TNS1: variants seen among roughly 807,000 people sequenced by gnomAD.
TNS1 encodes the protein tensin-1.
TNS1 carries 62 observed loss-of-function variants against 168.6 expected under a neutral mutation model. The observed-to-expected ratio is 0.37, with a 90% CI of 0.30 to 0.45. The LOEUF (loss-of-function observed/expected upper bound fraction) is 0.45, where lower values mean the gene tolerates loss of function less well. Among genes scored for constraint, TNS1 ranks in the 20% least tolerant of loss-of-function variants. The pLI is 1.00. For missense variants in TNS1, 2,240 were observed against 2,339.4 expected, an observed-to-expected ratio of 0.96 and a Z score of 0.88; for synonymous variants, 934 against 933.2, an observed-to-expected ratio of 1.00 and a Z score of -0.02.
rs117268534 is a variant in TNS1 at position 217,896,266 on chromosome 2, A to G, written c.544-1210T>C. 9.8e-4 allele frequency among the ~76,000 whole-genome samples: 150 copies of G among 152,352 alleles called. 1 individual carries two copies. The East Asian group carries it at 0.023, about 23-fold the overall frequency. On this transcript the variant is annotated intron_variant, in intron 8 of 32. Transcript: ENST00000682258. ...CAATGCAGCTAACAGGTGGGTCTCT[A>G]TAGTGGTTGAATAGTATCCTCAAAA...
intron 3 of TNS1, among the ~76,000 whole-genome samples, chr2:217,966,268 C>CGT (rs3838555): frequency 0.084 from 11,809 of 140,694 alleles, 583 homozygotes; most frequent in Middle Eastern, 0.12. Flanking sequence ...GAGCAGGCTG[C>CGT]GTGTGTGTGT....
intron 18 of TNS1, among the ~76,000 whole-genome samples, chr2:217,862,802 T>C (rs1371213739): frequency 6.6e-6 from 1 of 152,222 alleles, no homozygotes; most frequent in African/African-American, 2.4e-5. Context: ...GCTCAGAGAC[T>C]GTGAACTCTC....
intron 17 of TNS1, chr2:217,881,230 G>T (rs909914718): frequency 7.2e-6 from 4 of 558,370 alleles, no homozygotes; most frequent in Non-Finnish European, 1.3e-5. Context: ...GGCTCATGCC[G>T]GGTCATAGGG....
rs1942153962 is a variant in TNS1 at position 217,817,878 on chromosome 2, C to G, written c.4454G>C (p.Ser1485Thr). ...CTTCTCTGGCAAGGCTGGTGTTGGG[C>G]TCCCTTGCCGGAAGGCTGCGGAGTC... ...SPDSAAFRQG[S>T]PTPALPEKRR... The change falls in exon 24 of 33, where the codon AGC (serine) becomes ACC (threonine). Residue 1485 changes from serine to threonine, a missense_variant. Ser to Thr is a moderately conservative substitution (Grantham distance 58). Around this residue, in one of 2 missense-constraint regions of TNS1, gnomAD observed 2,131 missense variants for 2,171.2 expected, o/e 0.98. Transcript: ENST00000682258. The G allele has an allele frequency of 1.2e-6, 2 of 1,614,006 alleles. No individual in the cohort carries two copies. Among genetic ancestry groups the G allele is most frequent in the Non-Finnish European group, 1.7e-6 (2 of 1,179,978 alleles).
chr2:218,023,775 A>G (rs780484501), intron 1 of TNS1, among the ~76,000 whole-genome samples: 2 of 152,174 alleles, frequency 1.3e-5, no homozygotes, highest in Non-Finnish European at 2.9e-5. Flanking sequence ...GGTCAGGTCC[A>G]TGCTTTTCCC....
chr2:217,851,949 GC>G (rs1559239274), intron 18 of TNS1, among the ~76,000 whole-genome samples: 1 of 152,108 alleles, frequency 6.6e-6, no homozygotes, highest in Non-Finnish European at 1.5e-5. Context: ...TTGAAGACCA[GC>G]CTGGCCAAAA....
At chr2:217,946,965 T>TCACACACA (rs1434475994) in intron 3 of TNS1, among the ~76,000 whole-genome samples, 82 of 130,644 alleles carry the variant, frequency 6.3e-4, no homozygotes, top group African/African-American at 2.9e-3. Flanking sequence ...TCTCTCTCTC[T>TCACACACA]CTCTCACACA....
chr2:217,882,376 C>T lies in TNS1; in HGVS notation c.1282G>A (p.Val428Ile). Residue 428 changes from valine (V) to isoleucine (I), a missense_variant, in exon 17 of 33, where the codon GTA becomes ATA. Val to Ile is a conservative substitution (Grantham distance 29). This residue lies in a region of TNS1 where 2,131 missense variants were observed against 2,171.2 expected (regional missense o/e 0.98). Transcript: ENST00000682258. ...ATTTTCTCTGGCCCATAAGAAAATA[C>T]AAACTCCACTTTGCCATACTCTGGA... ...RFPEYGKVEF[V>I]FSYGPEKIQG... 1 of 1,605,992 alleles carries T rather than the reference C, an allele frequency of 6.2e-7. No homozygotes were observed. Among genetic ancestry groups the T allele is most frequent in the Non-Finnish European group, 8.5e-7 (1 of 1,177,832 alleles).
Position 217,804,322 on chromosome 2 carries a change from T to A in TNS1, c.*137A>T. On this transcript the variant is annotated 3_prime_UTR_variant, in exon 33 of 33. Transcript: ENST00000682258. ...CTCCCCTCTGCAATTCACTTCCCTC[T>A]CCCCACGTTGCACTTTCTTCTCTCC... The A allele has an allele frequency of 1.0e-6, 1 of 952,886 alleles. No individual in the cohort carries two copies. The highest frequency in any genetic ancestry group is 1.6e-6 in the Non-Finnish European group (1 of 629,548). 59.0% of individuals were successfully genotyped at this position (952,886 alleles called of 1,614,324 possible).
chr2:217,820,193 G>A (rs1942602842), intron 23 of TNS1, among the ~76,000 whole-genome samples: 1 of 152,162 alleles, frequency 6.6e-6, no homozygotes, highest in Non-Finnish European at 1.5e-5. Flanking sequence ...AATCCCAGGG[G>A]AGAAAGGCTA....
At chr2:217,907,295 T>A in intron 4 of TNS1, 44 bp from the exon 5 acceptor site, 2 of 702,426 alleles carry the variant, frequency 2.8e-6, no homozygotes, top group Non-Finnish European at 2.6e-6. Context: ...AGGGCAGACA[T>A]CCCAGGGATG....
At chr2:217,900,764 G>A in intron 6 of TNS1, 1 of 545,326 alleles carries the variant, frequency 1.8e-6, no homozygotes. Context: ...ATGCTGAGGA[G>A]TGCACCCCAC....
At chr2:217,945,367 G>A (rs373803670) in intron 3 of TNS1, among the ~76,000 whole-genome samples, 2 of 152,190 alleles carry the variant, frequency 1.3e-5, no homozygotes. Flanking sequence ...GGAGCATGTG[G>A]GGCCAGAGCC....
In TNS1 at chr2:217,947,021, T is replaced by C. The variant is rs374792941; in HGVS notation, c.187-26785A>G. On this transcript the variant is annotated intron_variant, in intron 3 of 32. Coordinates refer to ENST00000682258, the MANE Select transcript of TNS1 (RefSeq NM_001387777.1). ...GTAAAAACTGCTCTCTGAACAAGTCTGCTCAGCCCCCTGGCTCCCTCCTCC... is the reference window on the plus strand; with the variant it reads ...GTAAAAACTGCTCTCTGAACAAGTCCGCTCAGCCCCCTGGCTCCCTCCTCC... 3.0e-4 allele frequency among the ~76,000 whole-genome samples: 44 copies of C among 148,468 alleles called. No homozygotes were observed. The East Asian group carries it at 8.7e-3, about 29-fold the overall frequency.
intron 1 of TNS1, among the ~76,000 whole-genome samples, chr2:218,018,514 C>G (rs1222188376): frequency 6.6e-6 from 1 of 152,246 alleles, no homozygotes; most frequent in Non-Finnish European, 1.5e-5. Context: ...CCATCTTAGA[C>G]CCCATGGGGA....
At chr2:217,928,215 G>T (rs1162507270) in intron 3 of TNS1, among the ~76,000 whole-genome samples, 1 of 152,226 alleles carries the variant, frequency 6.6e-6, no homozygotes, top group Non-Finnish European at 1.5e-5. Flanking sequence ...TACAAGGCTT[G>T]CCTGAAAGGG....
intron 3 of TNS1, among the ~76,000 whole-genome samples, chr2:217,922,168 C>T (rs74467849): frequency 0.012 from 1,824 of 152,182 alleles, 35 homozygotes; most frequent in African/African-American, 0.042. Context: ...ACAGACTGGG[C>T]GGGAAGGGGA....
rs752071725 is a variant in TNS1, at chr2:217,880,968, G to A, written c.1359C>T (p.Asn453=). ...ENGPSVSVDY[N]TSDPLIRWDS... is the part of the protein sequence containing the mutation. ...CCCAGCGGATGAGGGGGTCGGAGGTGTTATAGTCCACAGACACGCTCGGCC... is the reference window on the plus strand; with the variant it reads ...CCCAGCGGATGAGGGGGTCGGAGGTATTATAGTCCACAGACACGCTCGGCC... Residue 453 remains asparagine (N), a synonymous_variant, in exon 18 of 33, where the codon AAC becomes AAT. Transcript: ENST00000682258. The surrounding 1 kb of genome is among the most constrained non-coding windows in gnomAD (Gnocchi z 4.2). 11 of 1,614,102 alleles carry A rather than the reference G, an allele frequency of 6.8e-6. No individual in the cohort carries two copies. In the Admixed American group the frequency reaches 1.3e-4, roughly 20 times the overall value.
At chr2:217,858,134 C>T (rs1948375651) in intron 18 of TNS1, among the ~76,000 whole-genome samples, 1 of 152,164 alleles carries the variant, frequency 6.6e-6, no homozygotes, top group Non-Finnish European at 1.5e-5. Flanking sequence ...GCATCCACCT[C>T]ATTCCCTCTG....
Sources: allele counts gnomAD v4.1 joint callset (sites outside exome capture counted in the v4.1 genomes callset), GRCh38; gene constraint gnomAD v4.1.1; regional missense constraint gnomAD v4.1.1; non-coding constraint Gnocchi (gnomAD v3.1); transcripts MANE v1.5; gene names NCBI Gene and HGNC (gene_info 2026-07-23, HGNC 2026-07-21).